STK17B: variants seen among roughly 807,000 people sequenced by gnomAD.
The protein encoded by STK17B is serine/threonine kinase 17b, also known as serine/threonine-protein kinase 17B.
STK17B carries 21 observed loss-of-function variants against 42.0 expected under a neutral mutation model. The observed-to-expected ratio is 0.50, with a 90% CI of 0.35 to 0.72. The LOEUF (loss-of-function observed/expected upper bound fraction) is 0.72. STK17B is among the 30% of genes least tolerant of loss of function. STK17B has a pLI of 0.00. For synonymous variants in STK17B, 143 were observed against 148.4 expected, an observed-to-expected ratio of 0.96 and a Z score of 0.26; for missense variants, 349 against 446.0, an observed-to-expected ratio of 0.78 and a Z score of 1.96.
intron 2 of STK17B, among the ~76,000 whole-genome samples, chr2:196,162,547 T>G (rs1022933883): frequency 1.3e-5 from 2 of 151,966 alleles, no homozygotes; most frequent in African/African-American, 4.8e-5. Flanking sequence ...AACAACCATA[T>G]AAGACAGACA....
rs557253044 is a variant in STK17B, at chr2:196,134,398, T to C, written c.*3049A>G. 106 of 152,322 alleles carry C rather than the reference T, an allele frequency of 7.0e-4. No homozygotes were observed. Among genetic ancestry groups the C allele is most frequent in the African/African-American group, 2.1e-3 (88 of 41,560 alleles). The allele number at this position is 152,322 out of a possible 1,614,324, so 9.4% of individuals were successfully genotyped here. ...CATTAGATTCTCAAAGGAGCTCGAATCCTGCTGTGAACCACACGTGCAAGA... is the reference window on the plus strand; with the variant it reads ...CATTAGATTCTCAAAGGAGCTCGAACCCTGCTGTGAACCACACGTGCAAGA... On this transcript the variant is annotated 3_prime_UTR_variant, in exon 8 of 8. Transcript: ENST00000263955.
At chr2:196,151,698 G>T (rs1699668413) in intron 3 of STK17B, among the ~76,000 whole-genome samples, 1 of 152,020 alleles carries the variant, frequency 6.6e-6, no homozygotes, top group East Asian at 1.9e-4. Context: ...AAGACACTTG[G>T]TATGGAAAAG....
chr2:196,160,753 T>C (rs1699801516), intron 2 of STK17B, among the ~76,000 whole-genome samples: 1 of 152,194 alleles, frequency 6.6e-6, no homozygotes, highest in Admixed American at 6.5e-5. Flanking sequence ...ACTTGGTCTC[T>C]TTCATAAAGA....
At chr2:196,163,076 A>C (rs1699833628) in intron 2 of STK17B, among the ~76,000 whole-genome samples, 186 bp downstream of exon 2, 1 of 152,110 alleles carries the variant, frequency 6.6e-6, no homozygotes, top group Non-Finnish European at 1.5e-5. Flanking sequence ...ATTTAAGTTC[A>C]CTAAACCCTC....
intron 1 of STK17B, among the ~76,000 whole-genome samples, chr2:196,166,467 T>C (rs1029184656): frequency 2.6e-5 from 4 of 152,154 alleles, no homozygotes; most frequent in Non-Finnish European, 4.4e-5. Flanking sequence ...TTTCATAACA[T>C]TTTATCAGGT....
chr2:196,173,610 A>C (rs1350912483), upstream of STK17B, among the ~76,000 whole-genome samples: 5 of 152,148 alleles, frequency 3.3e-5, no homozygotes, highest in Non-Finnish European at 7.4e-5. Context: ...AAGTCAATAC[A>C]TTCCTCCATC....
In STK17B at chr2:196,143,650, C is replaced by A; in HGVS notation, c.517G>T (p.Gly173Trp). ...CCAAAATCTACTATTTTAATGTCCC[C>A]GAGAGGGTATATGCTGCTCAGTAAT... ...NILLSSIYPL[G>W]DIKIVDFGMS... The change falls in exon 5 of 8, where the codon GGG becomes TGG. Residue 173 changes from glycine to tryptophan, a missense_variant. Gly to Trp is a radical substitution (Grantham distance 184). This residue lies in a region of STK17B where 256 missense variants were observed against 347.7 expected (regional missense o/e 0.74). Coordinates refer to ENST00000263955, the MANE Select transcript of STK17B (RefSeq NM_004226.4). The A allele has an allele frequency of 6.2e-7, 1 of 1,603,524 alleles. No individual in the cohort carries two copies. The highest frequency in any genetic ancestry group is 8.5e-7 in the Non-Finnish European group (1 of 1,175,068).
intron 5 of STK17B, among the ~76,000 whole-genome samples, chr2:196,141,774 C>T (rs571785336): frequency 6.6e-6 from 1 of 152,008 alleles, no homozygotes; most frequent in Non-Finnish European, 1.5e-5. Flanking sequence ...TTAAACATCC[C>T]TATTATTGAG....
chr2:196,153,650 G>A (rs1425426908), intron 3 of STK17B: 1 of 152,128 alleles, frequency 6.6e-6, no homozygotes, highest in Admixed American at 6.6e-5. Flanking sequence ...GTCTGGGGCA[G>A]GCAAGATAAC....
intron 6 of STK17B, among the ~76,000 whole-genome samples, chr2:196,140,203 G>C (rs954793144): frequency 6.6e-6 from 1 of 152,222 alleles, no homozygotes; most frequent in Non-Finnish European, 1.5e-5. Context: ...AAGCTGGGCA[G>C]GCAAATTTTT....
At chr2:196,145,789 C>A in intron 4 of STK17B, 122 bp downstream of exon 4, 1 of 908,768 alleles carries the variant, frequency 1.1e-6, no homozygotes. Context: ...AAGAGCACAC[C>A]AGTGCAGTCT....
At chr2:196,149,891 A>G (rs2105692142) in intron 3 of STK17B, among the ~76,000 whole-genome samples, 2 of 152,318 alleles carry the variant, frequency 1.3e-5, no homozygotes, top group South Asian at 4.1e-4. Flanking sequence ...TAATAATAAG[A>G]TCAAATAAAA....
intron 3 of STK17B, 21 bp downstream of exon 3, chr2:196,156,418 T>C (rs1430690102): frequency 2.0e-6 from 3 of 1,536,772 alleles, no homozygotes; most frequent in South Asian, 2.3e-5. Flanking sequence ...CTAAAATAGG[T>C]ACTATTTAGT....
At chr2:196,148,682 T>C (rs1470931386) in intron 3 of STK17B, among the ~76,000 whole-genome samples, 4 of 152,216 alleles carry the variant, frequency 2.6e-5, no homozygotes, top group Non-Finnish European at 5.9e-5. Context: ...TATTCTTCAT[T>C]TGTACAGCAA....
intron 3 of STK17B, chr2:196,153,926 C>T (rs1452236297): frequency 6.6e-6 from 1 of 152,100 alleles, no homozygotes; most frequent in Non-Finnish European, 1.5e-5. Flanking sequence ...AAAGGGAAAT[C>T]ACTAGACGAA....
At chr2:196,174,858 C>G (rs1699984034), upstream of STK17B, among the ~76,000 whole-genome samples, 1 of 152,246 alleles carries the variant, frequency 6.6e-6, no homozygotes, top group Non-Finnish European at 1.5e-5. Flanking sequence ...CTAGTTTTGT[C>G]TGATGAGAGT....
At chr2:196,139,829 G>A in intron 6 of STK17B, 30 bp from the exon 7 acceptor site, 1 of 1,321,710 alleles carries the variant, frequency 7.6e-7, no homozygotes, top group Non-Finnish European at 9.8e-7. Flanking sequence ...AACTTAAAAT[G>A]TATGTTAATT....
At chr2:196,165,735 C>T (rs1699867792) in intron 1 of STK17B, 1 of 152,204 alleles carries the variant, frequency 6.6e-6, no homozygotes, top group Admixed American at 6.5e-5. Context: ...TCTTCCAGTG[C>T]TGCAAGGATT....
rs1204809178 is a variant in STK17B at position 196,160,981 on chromosome 2, T to C, written c.122+2281A>G. Among the ~76,000 whole-genome samples the C allele has an allele frequency of 2.0e-5, 3 of 152,188 alleles. No homozygotes were observed. The East Asian group carries it at 5.8e-4, about 29-fold the overall frequency. ...TACTTTATAGATTTTTTAGCTCCTA[T>C]AATGTCCCCAATTTTGAAAAGTTAA... is the stretch of plus-strand genomic sequence containing the variant. On this transcript the variant is annotated intron_variant, in intron 2 of 7. Transcript: ENST00000263955.
Sources: gnomAD v4.1 joint callset for allele counts (sites outside exome capture counted in the v4.1 genomes callset) on GRCh38, gnomAD v4.1.1 for gene constraint, gnomAD v4.1.1 regional missense constraint, MANE v1.5 for transcripts, NCBI Gene and HGNC (gene_info 2026-07-23, HGNC 2026-07-21) for gene names.